Variants in MOCOS observed in about 807,000 individuals in gnomAD.
The protein encoded by MOCOS is human molybdenum cofactor sulfurase.
Under a neutral mutation model 83.6 loss-of-function variants are expected in MOCOS, and 86 were observed. The ratio of observed to expected loss-of-function variants is 1.03; its 90% CI spans 0.86 to 1.23. The LOEUF is 1.23. Ranked by LOEUF, MOCOS falls within the 50% of genes most tolerant of loss-of-function variation. MOCOS has a pLI of 0.00. For synonymous variants in MOCOS, 445 were observed against 434.7 expected (o/e 1.02, Z -0.29); for missense variants, 1,120 against 1,126.9 (o/e 0.99, Z 0.09).
At chr18:36,248,803 G>C (rs189999352) in intron 9 of MOCOS, 119 bp from the exon 10 acceptor site, 11 of 799,848 alleles carry the variant, frequency 1.4e-5, no homozygotes, top group East Asian at 1.3e-4. Context: ...TGGTCTATGT[G>C]TCTATTTTTA....
At chr18:36,211,726 G>T (rs1233601942) in intron 6 of MOCOS, among the ~76,000 whole-genome samples, 8 of 152,114 alleles carry the variant, frequency 5.3e-5, no homozygotes, top group Admixed American at 5.2e-4. Flanking sequence ...GGGTAAGTGT[G>T]GCTGCAACAG....
In MOCOS at chr18:36,271,319, C is replaced by T. The variant is rs1001765699; in HGVS notation, c.*2634C>T. ...TTTGTTGACAGACTATTTAAAGCTG[C>T]CCCTATTTTTATCATTAATTGATTG... On this transcript the variant is annotated 3_prime_UTR_variant, in exon 15 of 15. Coordinates refer to ENST00000261326, the MANE Select transcript of MOCOS (RefSeq NM_017947.4). 7.9e-5 allele frequency: 12 copies of T among 152,020 alleles called. No homozygotes were observed. The highest frequency in any genetic ancestry group is 2.0e-4 in the Admixed American group (3 of 15,282). The allele number at this position is 152,020 out of a possible 1,614,324, so 9.4% of individuals were successfully genotyped here.
At chr18:36,219,960 A>G (rs1217397997) in intron 8 of MOCOS, 95 bp from the exon 9 acceptor site, 16 of 1,486,868 alleles carry the variant, frequency 1.1e-5, no homozygotes, top group Non-Finnish European at 1.2e-5. Context: ...TGCTGAATTC[A>G]TGAAGTCTAT....
intron 13 of MOCOS, among the ~76,000 whole-genome samples, chr18:36,264,223 C>T (rs2091673773): frequency 6.6e-6 from 1 of 152,296 alleles, no homozygotes; most frequent in East Asian, 1.9e-4. Context: ...CCAGAAAATG[C>T]CCCTTTCTTC....
At chr18:36,206,461 GT>G (rs1185308716) in intron 6 of MOCOS, among the ~76,000 whole-genome samples, 1 of 151,774 alleles carries the variant, frequency 6.6e-6, no homozygotes, top group Non-Finnish European at 1.5e-5. Flanking sequence ...GGTCAGGCTG[GT>G]CTTGAACTCC....
At chr18:36,261,883 TATCA>T (rs2091664630) in intron 13 of MOCOS, among the ~76,000 whole-genome samples, 1 of 151,844 alleles carries the variant, frequency 6.6e-6, no homozygotes, top group African/African-American at 2.4e-5. Flanking sequence ...AAATATACAT[TATCA>T]AATAGGTGGA....
chr18:36,228,362 A>G (rs1234050200), intron 9 of MOCOS, among the ~76,000 whole-genome samples: 3 of 152,202 alleles, frequency 2.0e-5, no homozygotes, highest in Non-Finnish European at 2.9e-5. Context: ...TTATTCTATT[A>G]TAAAAACACA....
At chr18:36,252,239 G>A (rs968686806) in intron 11 of MOCOS, among the ~76,000 whole-genome samples, 1 of 152,116 alleles carries the variant, frequency 6.6e-6, no homozygotes, top group African/African-American at 2.4e-5. Context: ...AGCATTTAGA[G>A]TTTGGGTGTG....
rs2091438853 is a variant in MOCOS at position 36,207,428 on chromosome 18, GTGT to G, written c.1218+2154_1218+2156del. Among the ~76,000 whole-genome samples the G allele has an allele frequency of 2.0e-5, 3 of 152,116 alleles. No individual in the cohort carries two copies. In the South Asian group the frequency reaches 6.2e-4, roughly 32 times the overall value. On this transcript the variant is annotated intron_variant, in intron 6 of 14. Transcript: ENST00000261326. ...TTACATTCCCACTAGCAGTGTATAAGTGTTTTTTTTTATCCACAACCTCAGCAG... is the reference window on the plus strand; with the variant it reads ...TTACATTCCCACTAGCAGTGTATAAGTTTTTTTTATCCACAACCTCAGCAG...
intron 9 of MOCOS, among the ~76,000 whole-genome samples, chr18:36,237,288 T>C (rs1476360824): frequency 1.3e-5 from 2 of 150,950 alleles, no homozygotes; most frequent in Non-Finnish European, 2.9e-5. Context: ...ATAGCTCTTA[T>C]TATTTTGAAA....
chr18:36,235,334 A>G (rs2091554075), intron 9 of MOCOS, among the ~76,000 whole-genome samples: 1 of 125,718 alleles, frequency 8.0e-6, no homozygotes, highest in South Asian at 3.0e-4. Context: ...TCCTGTGTCC[A>G]TGTGATCTCA....
chr18:36,199,276 C>G (rs534359880), intron 3 of MOCOS, among the ~76,000 whole-genome samples: 1 of 152,178 alleles, frequency 6.6e-6, no homozygotes, highest in African/African-American at 2.4e-5. Context: ...TCCAATCACA[C>G]AATTTCAAGT....
chr18:36,243,790 C>G (rs772789964), intron 9 of MOCOS, among the ~76,000 whole-genome samples: 2 of 152,050 alleles, frequency 1.3e-5, no homozygotes, highest in Admixed American at 1.3e-4. Context: ...ATTTCAGTCT[C>G]GCTACTTGTT....
intron 11 of MOCOS, among the ~76,000 whole-genome samples, chr18:36,252,328 C>T (rs1044665346): frequency 6.6e-6 from 1 of 152,112 alleles, no homozygotes; most frequent in East Asian, 1.9e-4. Flanking sequence ...CAAGACCAGC[C>T]TGGGCAACAT....
At chr18:36,258,766 AT>A (rs2091651756) in intron 12 of MOCOS, among the ~76,000 whole-genome samples, 1 of 152,116 alleles carries the variant, frequency 6.6e-6, no homozygotes, top group Non-Finnish European at 1.5e-5. Context: ...ATGCTCCATC[AT>A]TTTCAGATCA....
At chr18:36,190,565 A>G (rs1392989010) in intron 1 of MOCOS, among the ~76,000 whole-genome samples, 2 of 152,022 alleles carry the variant, frequency 1.3e-5, no homozygotes, top group African/African-American at 2.4e-5. Flanking sequence ...CCTGGGCAAC[A>G]TGGTGAAACC....
intron 9 of MOCOS, among the ~76,000 whole-genome samples, chr18:36,230,837 G>A (rs2091535198): frequency 6.6e-6 from 1 of 152,160 alleles, no homozygotes; most frequent in Admixed American, 6.5e-5. Flanking sequence ...CTGGTTTCAT[G>A]TTCTGGGGTT....
chr18:36,210,274 A>T (rs2091449556), intron 6 of MOCOS, among the ~76,000 whole-genome samples: 1 of 152,100 alleles, frequency 6.6e-6, no homozygotes, highest in Admixed American at 6.5e-5. Flanking sequence ...AAAGAATACT[A>T]TTGGGCAATA....
intron 8 of MOCOS, among the ~76,000 whole-genome samples, chr18:36,216,198 A>G (rs1203263871): frequency 6.6e-6 from 1 of 152,164 alleles, no homozygotes; most frequent in Admixed American, 6.5e-5. Context: ...TGAATGTGTC[A>G]TTACTCTTAT....
Sources: allele counts gnomAD v4.1 joint callset (sites outside exome capture counted in the v4.1 genomes callset), GRCh38; gene constraint gnomAD v4.1.1; transcripts MANE v1.5; gene names NCBI Gene and HGNC (gene_info 2026-07-23, HGNC 2026-07-21).